Variants in DTNB observed in about 807,000 individuals in gnomAD.
DTNB encodes DTN-B.
Under a neutral mutation model 90.7 loss-of-function variants are expected in DTNB, and 63 were observed. The ratio of observed to expected loss-of-function variants is 0.69; its 90% confidence interval spans 0.57 to 0.86. The LOEUF (loss-of-function observed/expected upper bound fraction) is 0.86. Among genes scored for constraint, DTNB ranks in the 40% least tolerant of loss-of-function variants. DTNB has a pLI of 0.00. For synonymous variants in DTNB, 277 were observed against 286.7 expected, an observed-to-expected ratio of 0.97 and a Z score of 0.34; for missense variants, 744 against 807.1, an observed-to-expected ratio of 0.92 and a Z score of 0.95.
At chr2:25,512,360 T>C (rs1350960809) in intron 9 of DTNB, among the ~76,000 whole-genome samples, 2 of 152,204 alleles carry the variant, frequency 1.3e-5, no homozygotes, top group African/African-American at 4.8e-5. Context: ...GAATTTAACC[T>C]AATTCAACTA....
intron 1 of DTNB, among the ~76,000 whole-genome samples, chr2:25,664,012 TAA>T (rs1285007772): frequency 3.9e-5 from 6 of 152,210 alleles, no homozygotes; most frequent in African/African-American, 9.6e-5. Flanking sequence ...AAAACATCAA[TAA>T]GTCTGTCTTT....
chr2:25,559,823 G>C (rs1188623032), intron 8 of DTNB, among the ~76,000 whole-genome samples: 1 of 152,226 alleles, frequency 6.6e-6, no homozygotes, highest in African/African-American at 2.4e-5. Context: ...ACACAGAGGA[G>C]AAGAGACAGA....
rs558766956 is a variant in DTNB, at chr2:25,491,758, T to C, written c.1002-8885A>G. Among the ~76,000 whole-genome samples, 7 of 151,952 alleles carry C rather than the reference T, an allele frequency of 4.6e-5. No individual in the cohort carries two copies. In the East Asian group the frequency reaches 1.4e-3, roughly 29 times the overall value. The stretch of plus-strand genomic sequence containing the variant: ...TGACTTAGGAATAGAATCAGCAGAG[T>C]GGAGAGTGTCTTTACTAATAATAGC... On this transcript the variant is annotated intron_variant, in intron 9 of 20. Coordinates refer to ENST00000406818, the MANE Select transcript of DTNB (RefSeq NM_021907.5).
intron 19 of DTNB, among the ~76,000 whole-genome samples, chr2:25,381,795 C>T (rs2037854293): frequency 6.6e-6 from 1 of 152,260 alleles, no homozygotes; most frequent in African/African-American, 2.4e-5. Flanking sequence ...TCTGCAGAAT[C>T]TTCTTCCTCT....
intron 3 of DTNB, among the ~76,000 whole-genome samples, chr2:25,635,366 G>A (rs1005838825): frequency 3.9e-5 from 6 of 152,196 alleles, no homozygotes; most frequent in African/African-American, 1.4e-4. Context: ...GGCGGAGGTT[G>A]CAGTGAGCCA....
intron 16 of DTNB, chr2:25,419,296 T>C (rs1574114698): frequency 1.5e-6 from 1 of 662,956 alleles, no homozygotes; most frequent in East Asian, 2.7e-5. Flanking sequence ...GATGGGTACT[T>C]ACAAGCTCTG....
At chr2:25,548,160 C>T (rs993593485) in intron 8 of DTNB, among the ~76,000 whole-genome samples, 19 of 152,076 alleles carry the variant, frequency 1.2e-4, no homozygotes, top group Admixed American at 1.1e-3. Context: ...TACTCTTCTA[C>T]TTCAGATTTA....
chr2:25,638,949 T>C lies in DTNB; in HGVS notation c.148+65A>G, dbSNP rs75761015. The C allele has an allele frequency of 2.1e-3, 2,925 of 1,410,406 alleles. 60 individuals carry two copies. In the African/African-American group the frequency reaches 0.038, roughly 18 times the overall value. The allele number at this position is 1,410,406 out of a possible 1,614,324, so 87.4% of individuals were successfully genotyped here. ...AACATTACAATACAACTAAAAGATGTTAAAGTCTTTTCTAATATTGAGAAC... is the reference window on the plus strand; with the variant it reads ...AACATTACAATACAACTAAAAGATGCTAAAGTCTTTTCTAATATTGAGAAC... On this transcript the variant is annotated intron_variant, in intron 3 of 20. Transcript: ENST00000406818.
intron 10 of DTNB, among the ~76,000 whole-genome samples, chr2:25,455,711 G>A (rs2059923255): frequency 6.6e-6 from 1 of 152,212 alleles, no homozygotes; most frequent in South Asian, 2.1e-4. Flanking sequence ...AGTCCTTCAG[G>A]AGTGGCGCTG....
chr2:25,438,410 A>G (rs1210754527), intron 12 of DTNB, among the ~76,000 whole-genome samples: 1 of 152,234 alleles, frequency 6.6e-6, no homozygotes, highest in Non-Finnish European at 1.5e-5. Flanking sequence ...TGCAGCCCAC[A>G]GGCCATGGGT....
At chr2:25,573,861 A>C (rs1279426336) in intron 8 of DTNB, among the ~76,000 whole-genome samples, 1 of 152,180 alleles carries the variant, frequency 6.6e-6, no homozygotes, top group Non-Finnish European at 1.5e-5. Flanking sequence ...CTTAACGCAA[A>C]GTTCTTATCA....
chr2:25,498,290 A>C (rs752242772), intron 9 of DTNB, among the ~76,000 whole-genome samples: 1 of 152,236 alleles, frequency 6.6e-6, no homozygotes, highest in Non-Finnish European at 1.5e-5. Flanking sequence ...AGAAGTGAGA[A>C]AAGCCAAGCC....
intron 10 of DTNB, among the ~76,000 whole-genome samples, chr2:25,461,522 T>C (rs1316896221): frequency 6.6e-6 from 1 of 152,230 alleles, no homozygotes; most frequent in Non-Finnish European, 1.5e-5. Context: ...GCAGAGTCAA[T>C]AGTTTACAAT....
chr2:25,598,682 G>A (rs765928369), intron 5 of DTNB: 6 of 152,122 alleles, frequency 3.9e-5, no homozygotes, highest in Non-Finnish European at 8.8e-5. Context: ...TTGGAAGCTA[G>A]GCCTTGAAAG....
At chr2:25,479,673 C>T (rs1406499650) in intron 10 of DTNB, among the ~76,000 whole-genome samples, 6 of 152,140 alleles carry the variant, frequency 3.9e-5, no homozygotes, top group South Asian at 2.1e-4. Context: ...AAAAGTAAAG[C>T]TTACATTCAG....
chr2:25,478,072 C>T (rs1005263539), intron 10 of DTNB, among the ~76,000 whole-genome samples: 1 of 149,734 alleles, frequency 6.7e-6, no homozygotes, highest in African/African-American at 2.5e-5. Context: ...TGTTTCAGGA[C>T]GAAACAGGCA....
chr2:25,490,068 G>T (rs1462059351), intron 9 of DTNB, among the ~76,000 whole-genome samples: 3 of 152,200 alleles, frequency 2.0e-5, no homozygotes, highest in African/African-American at 7.2e-5. Flanking sequence ...TTGAGCCCAG[G>T]AGTTCGAGAC....
chr2:25,575,522 GA>G (rs534420563), intron 8 of DTNB, among the ~76,000 whole-genome samples: 3 of 150,038 alleles, frequency 2.0e-5, no homozygotes, highest in Non-Finnish European at 4.4e-5. Context: ...ACCTATCTAG[GA>G]AAAAAAAAGG....
At chr2:25,613,628 T>G (rs2069277911) in intron 4 of DTNB, among the ~76,000 whole-genome samples, 1 of 148,300 alleles carries the variant, frequency 6.7e-6, no homozygotes, top group Non-Finnish European at 1.5e-5. Flanking sequence ...GTTACAAAAA[T>G]CTTGAACAAA....
Sources: gnomAD v4.1 joint callset for allele counts (sites outside exome capture counted in the v4.1 genomes callset) on GRCh38, gnomAD v4.1.1 for gene constraint, MANE v1.5 for transcripts, NCBI Gene and HGNC (gene_info 2026-07-23, HGNC 2026-07-21) for gene names.